Variants in FCGRT observed in about 807,000 individuals in gnomAD.
FCGRT encodes Fc gamma receptor and transporter, also known as IgG receptor FcRn large subunit p51.
A neutral mutation model predicts 35.7 loss-of-function variants in FCGRT; 13 were observed. The observed-to-expected ratio is 0.36, with a 90% CI of 0.24 to 0.58. The LOEUF is 0.58. Ranked by LOEUF, FCGRT falls within the 20% of genes least tolerant of loss-of-function variation. The probability of loss-of-function intolerance (pLI) is 0.77; values close to 1 mark genes in which losing one functional copy is unlikely to be tolerated. For missense variants in FCGRT, 455 were observed against 474.9 expected (o/e 0.96, Z 0.39); for synonymous variants, 233 against 216.5 (o/e 1.08, Z -0.67).
intron 4 of FCGRT, among the ~76,000 whole-genome samples, chr19:49,515,497 T>C (rs942949365): frequency 3.3e-5 from 5 of 151,958 alleles, no homozygotes; most frequent in African/African-American, 7.3e-5. Flanking sequence ...GCTAGGCTGG[T>C]CTCAAACTCT....
intron 4 of FCGRT, among the ~76,000 whole-genome samples, chr19:49,516,375 TG>T: frequency 6.6e-6 from 1 of 150,814 alleles, no homozygotes; most frequent in African/African-American, 2.4e-5. Context: ...CCCGAGTAGC[TG>T]GGACTACAGG....
At chr19:49,517,973 A>G (rs2080018291) in intron 4 of FCGRT, among the ~76,000 whole-genome samples, 1 of 151,822 alleles carries the variant, frequency 6.6e-6, no homozygotes, top group South Asian at 2.1e-4. Context: ...TTACAGGCAT[A>G]AGCCACCGCG....
intron 4 of FCGRT, among the ~76,000 whole-genome samples, chr19:49,517,318 C>T (rs765930781): frequency 4.5e-4 from 69 of 152,048 alleles, no homozygotes; most frequent in Non-Finnish European, 1.5e-4. Flanking sequence ...GAGTGAAACC[C>T]CATCTCTACT....
intron 2 of FCGRT, 141 bp from the exon 3 acceptor site, chr19:49,513,737 TCCCC>T: frequency 7.8e-6 from 2 of 257,334 alleles, no homozygotes; most frequent in Non-Finnish European, 6.7e-6. Flanking sequence ...TGGGTCTCTG[TCCCC>T]CCCCCCCCGG....
At chr19:49,524,826 C>T (rs769405595) in intron 5 of FCGRT, 50 bp downstream of exon 5, 25 of 1,536,730 alleles carry the variant, frequency 1.6e-5, no homozygotes, top group Non-Finnish European at 2.2e-5. Context: ...TGCCTTGTCT[C>T]ACTGCTGCGC....
In FCGRT at chr19:49,514,742, G is replaced by A. The variant is rs930244578; in HGVS notation, c.601+256G>A. Among the ~76,000 whole-genome samples the A allele has an allele frequency of 2.0e-5, 3 of 149,414 alleles. No individual in the cohort carries two copies. The East Asian group carries it at 5.9e-4, about 29-fold the overall frequency. ...GAGTTTCGCTCTTGTTGCCCAGGCT[G>A]GAGTGTAATGGCGCGATCTCGGCTC... On this transcript the variant is annotated intron_variant, in intron 4 of 6. Transcript: ENST00000221466.
At chr19:49,513,511 G>A in intron 2 of FCGRT, 38 bp downstream of exon 2, 1 of 1,166,642 alleles carries the variant, frequency 8.6e-7, no homozygotes, top group East Asian at 3.2e-5. Context: ...GCTGCAGGCG[G>A]GCGGCGGGAG....
intron 5 of FCGRT, chr19:49,525,148 C>T: frequency 1.9e-6 from 1 of 516,148 alleles, no homozygotes; most frequent in Non-Finnish European, 3.7e-6. Context: ...TGCTGCTTTG[C>T]TACTGCCCGG....
chr19:49,524,137 G>A (rs2080058593), intron 4 of FCGRT, among the ~76,000 whole-genome samples: 1 of 151,566 alleles, frequency 6.6e-6, no homozygotes, highest in East Asian at 2.0e-4. Context: ...TCCTGCCTCA[G>A]CCTCCTGAGT....
chr19:49,522,382 C>A (rs1284031585), intron 4 of FCGRT, among the ~76,000 whole-genome samples: 1 of 151,628 alleles, frequency 6.6e-6, no homozygotes, highest in South Asian at 2.1e-4. Context: ...AGCCTGTCTG[C>A]TAATATTATG....
intron 4 of FCGRT, among the ~76,000 whole-genome samples, chr19:49,522,683 C>G (rs757115119): frequency 5.9e-5 from 9 of 151,596 alleles, no homozygotes; most frequent in Non-Finnish European, 2.9e-5. Context: ...CCTCCTGCCT[C>G]CACCCCCCAA....
chr19:49,526,019 T>G lies in FCGRT; in HGVS notation c.998T>G (p.Ile333Ser). 5 of 1,608,672 alleles carry G rather than the reference T, an allele frequency of 3.1e-6. No individual in the cohort carries two copies. The highest frequency in any genetic ancestry group is 4.3e-6 in the Non-Finnish European group (5 of 1,175,456). Residue 333 changes from isoleucine to serine, a missense_variant, in exon 7 of 7, where the codon ATC (isoleucine) becomes AGC (serine). Transcript: ENST00000221466. The stretch of plus-strand genomic sequence containing the variant: ...CTCTCTCTCTCCTCAGCCCCTTGGA[T>G]CTCCCTTCGTGGAGACGACACCGGG... ...RMRSGLPAPW[I>S]SLRGDDTGVL...
At position 49,525,580 on chromosome 19, in the gene FCGRT, G is replaced by A. The variant is rs1401874919; in HGVS notation, c.988+7G>A. On this transcript the variant is annotated splice_region_variant and intron_variant, in intron 6 of 6. Transcript: ENST00000221466. ...ATGAGGAGTGGGCTGCCAGGTGGGG[G>A]GCAGCGGGAGGAAGAGCCTCTGAGA... 4 of 1,588,204 alleles carry A rather than the reference G, an allele frequency of 2.5e-6. No individual in the cohort carries two copies. In the Admixed American group the frequency reaches 6.7e-5, roughly 27 times the overall value.
chr19:49,518,017 G>T (rs1190402318), intron 4 of FCGRT, among the ~76,000 whole-genome samples: 1 of 152,088 alleles, frequency 6.6e-6, no homozygotes, highest in African/African-American at 2.4e-5. Context: ...GTAGAGACGG[G>T]ATTTCACTAT....
At position 49,524,536 on chromosome 19, in the gene FCGRT, C is replaced by G. The variant is rs981686219; in HGVS notation, c.631C>G (p.Pro211Ala). 6.2e-7 allele frequency: 1 copy of G among 1,610,770 alleles called. No individual in the cohort carries two copies. The highest frequency in any genetic ancestry group is 1.3e-5 in the African/African-American group (1 of 75,018). ...EPPSMRLKAR[P>A]SSPGFSVLTC... is the part of the protein sequence containing the mutation. ...CCCCTCCATGCGCCTGAAGGCCCGA[C>G]CCAGCAGCCCTGGCTTTTCCGTGCT... The change falls in exon 5 of 7, where the codon CCC (proline) becomes GCC (alanine). Residue 211 changes from proline to alanine, a missense_variant. Coordinates refer to ENST00000221466, the MANE Select transcript of FCGRT (RefSeq NM_001136019.3).
At chr19:49,521,431 G>A (rs1248597364) in intron 4 of FCGRT, among the ~76,000 whole-genome samples, 3 of 151,914 alleles carry the variant, frequency 2.0e-5, no homozygotes, top group African/African-American at 4.8e-5. Context: ...TTAGCTGGGC[G>A]TGGTGGTGTG....
chr19:49,524,728 T>A lies in FCGRT; in HGVS notation c.823T>A (p.Cys275Ser). The A allele has an allele frequency of 6.2e-7, 1 of 1,602,200 alleles. No individual in the cohort carries two copies. The highest frequency in any genetic ancestry group is 8.5e-7 in the Non-Finnish European group (1 of 1,179,928). ...AAGTGGCGATGAGCACCACTACTGC[T>A]GCATTGTGCAGCACGCGGGGCTGGC... ...VKSGDEHHYC[C>S]IVQHAGLAQP... The change falls in exon 5 of 7, where the codon TGC becomes AGC. Residue 275 changes from cysteine to serine, a missense_variant. Physicochemically the swap from Cys to Ser is moderately radical, Grantham distance 112 (BLOSUM62 -1). Coordinates refer to ENST00000221466, the MANE Select transcript of FCGRT (RefSeq NM_001136019.3).
intron 2 of FCGRT, 26 bp downstream of exon 2, chr19:49,513,499 C>T: frequency 8.1e-7 from 1 of 1,231,706 alleles, no homozygotes; most frequent in Non-Finnish European, 1.0e-6. Flanking sequence ...GGCCAGGGCC[C>T]TGCTGCAGGC....
chr19:49,517,257 G>A (rs998420638), intron 4 of FCGRT, among the ~76,000 whole-genome samples: 1 of 152,128 alleles, frequency 6.6e-6, no homozygotes, highest in East Asian at 1.9e-4. Context: ...TTGGGAGGCC[G>A]AGGTGGGCAG....
Sources: gnomAD v4.1 joint callset for allele counts (sites outside exome capture counted in the v4.1 genomes callset) on GRCh38, gnomAD v4.1.1 for gene constraint, MANE v1.5 for transcripts, NCBI Gene and HGNC (gene_info 2026-07-23, HGNC 2026-07-21) for gene names.